Variants in ZNF566 observed in about 807,000 individuals in gnomAD.
ZNF566 encodes the protein zinc finger protein 566.
Under a neutral mutation model 32.8 loss-of-function variants are expected in ZNF566, and 27 were observed. The observed-to-expected ratio is 0.82, with a 90% CI of 0.61 to 1.14. ZNF566 has a LOEUF of 1.14. ZNF566 is among the 50% of genes most tolerant of loss of function. ZNF566 has a pLI of 0.00. For synonymous variants in ZNF566, 154 were observed against 159.5 expected (o/e 0.97, Z 0.26); for missense variants, 402 against 490.4 (o/e 0.82, Z 1.70).
chr19:36,484,154 G>A (rs1297657086), intron 1 of ZNF566, among the ~76,000 whole-genome samples: 21 of 152,164 alleles, frequency 1.4e-4, no homozygotes, highest in Admixed American at 6.5e-5. Flanking sequence ...GATTACAGGC[G>A]CCAGCCTCTG....
chr19:36,458,530 A>G (rs969296623), intron 4 of ZNF566, among the ~76,000 whole-genome samples: 52 of 152,328 alleles, frequency 3.4e-4, no homozygotes, highest in East Asian at 2.3e-3. Context: ...GTCAAAGGGT[A>G]CAAAGTTCTA....
chr19:36,468,046 G>C (rs546482816), intron 4 of ZNF566, among the ~76,000 whole-genome samples: 3 of 150,920 alleles, frequency 2.0e-5, no homozygotes, highest in African/African-American at 7.4e-5. Context: ...TTAGCCGGGC[G>C]TGGTGGCGCA....
chr19:36,487,206 G>T (rs889917823), intron 1 of ZNF566, among the ~76,000 whole-genome samples: 5 of 151,922 alleles, frequency 3.3e-5, no homozygotes, highest in Non-Finnish European at 7.4e-5. Flanking sequence ...ACCAAATTAC[G>T]GAGAGGATAT....
chr19:36,467,674 C>G (rs1414585452), intron 4 of ZNF566, among the ~76,000 whole-genome samples: 3 of 149,294 alleles, frequency 2.0e-5, no homozygotes, highest in Non-Finnish European at 3.0e-5. Flanking sequence ...GCTTGTAATT[C>G]CAGGTACTTG....
intron 4 of ZNF566, among the ~76,000 whole-genome samples, chr19:36,467,334 C>A (rs1374889979): frequency 6.7e-6 from 1 of 148,992 alleles, no homozygotes; most frequent in Admixed American, 6.7e-5. Context: ...ACACAGGAGG[C>A]TGAGGCAGAA....
At chr19:36,477,472 A>C (rs1221775666) in intron 1 of ZNF566, among the ~76,000 whole-genome samples, 2 of 151,490 alleles carry the variant, frequency 1.3e-5, no homozygotes, top group Non-Finnish European at 1.5e-5. Context: ...TTGCTCAGAG[A>C]TTATACACAT....
At chr19:36,480,208 G>C (rs1011522874) in intron 1 of ZNF566, among the ~76,000 whole-genome samples, 3 of 151,724 alleles carry the variant, frequency 2.0e-5, no homozygotes, top group Admixed American at 1.3e-4. Flanking sequence ...ATAGAATATA[G>C]AGTCCAGAAA....
intron 4 of ZNF566, among the ~76,000 whole-genome samples, chr19:36,470,131 A>T (rs1375530128): frequency 1.3e-5 from 2 of 152,066 alleles, no homozygotes; most frequent in Non-Finnish European, 2.9e-5. Context: ...TGTCCTTGCT[A>T]TATTTATTCC....
chr19:36,482,106 T>G (rs2034048127), intron 1 of ZNF566, among the ~76,000 whole-genome samples: 1 of 152,170 alleles, frequency 6.6e-6, no homozygotes, highest in African/African-American at 2.4e-5. Context: ...AATTTTTATT[T>G]ATTTATTTAT....
At chr19:36,476,232 G>A (rs1245486240) in intron 2 of ZNF566, 3 of 199,200 alleles carry the variant, frequency 1.5e-5, no homozygotes, top group Non-Finnish European at 2.0e-5. Context: ...CTTGAACCCT[G>A]GAGGCAGAGG....
chr19:36,477,538 T>TTTTTC, intron 1 of ZNF566, among the ~76,000 whole-genome samples: 1 of 78,148 alleles, frequency 1.3e-5, no homozygotes, highest in Non-Finnish European at 2.9e-5. Flanking sequence ...TTTTTTTTTG[T>TTTTTC]TTGTTTGTTT....
At chr19:36,452,247 A>G (rs1039803247) in intron 4 of ZNF566, among the ~76,000 whole-genome samples, 2 of 151,824 alleles carry the variant, frequency 1.3e-5, no homozygotes, top group Non-Finnish European at 1.5e-5. Flanking sequence ...GAGGGACAGG[A>G]TCTCATCTAG....
At chr19:36,453,092 T>C (rs1223760349) in intron 4 of ZNF566, among the ~76,000 whole-genome samples, 1 of 149,458 alleles carries the variant, frequency 6.7e-6, no homozygotes, top group African/African-American at 2.5e-5. Flanking sequence ...TACTCCAGCC[T>C]GGGCAACAGA....
Position 36,448,150 on chromosome 19 carries a change from A to T in ZNF566, c.*827T>A, listed in dbSNP as rs1391933025. 1 of 152,166 alleles carries T rather than the reference A, an allele frequency of 6.6e-6. No individual in the cohort carries two copies. Among genetic ancestry groups the T allele is most frequent in the Non-Finnish European group, 1.5e-5 (1 of 68,012 alleles). 9.4% of individuals were successfully genotyped at this position (152,166 alleles called of 1,614,324 possible). A position where few individuals can be genotyped will look rare whatever the true frequency, so the allele number is the denominator to read the frequency against. ...GAACTGATAAAGACTATCCTTTGGGATATGGTCAAAGGGTACATTTGCCTT... is the reference window on the plus strand; with the variant it reads ...GAACTGATAAAGACTATCCTTTGGGTTATGGTCAAAGGGTACATTTGCCTT... On this transcript the variant is annotated 3_prime_UTR_variant, in exon 5 of 5. Transcript: ENST00000452939.
At chr19:36,458,104 T>A (rs2033364055) in intron 4 of ZNF566, among the ~76,000 whole-genome samples, 1 of 152,160 alleles carries the variant, frequency 6.6e-6, no homozygotes. Flanking sequence ...TGGGTATATA[T>A]CCAAATGAAA....
intron 4 of ZNF566, among the ~76,000 whole-genome samples, chr19:36,461,939 G>A (rs998167737): frequency 2.0e-5 from 3 of 151,334 alleles, no homozygotes; most frequent in Admixed American, 6.6e-5. Context: ...ACATATATTC[G>A]GGCAAAAATG....
chr19:36,474,660 C>T (rs149085569), intron 2 of ZNF566, among the ~76,000 whole-genome samples: 185 of 152,114 alleles, frequency 1.2e-3, no homozygotes, highest in African/African-American at 3.8e-3. Context: ...GGTCTGGTAA[C>T]GGGACAAAAC....
chr19:36,480,380 G>A (rs907120221), intron 1 of ZNF566, among the ~76,000 whole-genome samples: 1 of 150,556 alleles, frequency 6.6e-6, no homozygotes, highest in East Asian at 2.0e-4. Flanking sequence ...TGCCTCCCAG[G>A]TTCAAGCAAT....
chr19:36,487,144 C>T (rs2034188096), intron 1 of ZNF566, among the ~76,000 whole-genome samples: 1 of 151,262 alleles, frequency 6.6e-6, no homozygotes, highest in Non-Finnish European at 1.5e-5. Flanking sequence ...AAACAAAAAC[C>T]TATGATGAAA....
Sources: gnomAD v4.1 joint callset for allele counts (sites outside exome capture counted in the v4.1 genomes callset) on GRCh38, gnomAD v4.1.1 for gene constraint, MANE v1.5 for transcripts, NCBI Gene and HGNC (gene_info 2026-07-23, HGNC 2026-07-21) for gene names.